Variants in ZNF75D observed in about 807,000 individuals in gnomAD.
The protein encoded by ZNF75D is zinc finger protein 75D.
A neutral mutation model predicts 33.3 loss-of-function variants in ZNF75D; 33 were observed. That is an observed-to-expected ratio of 0.99 (90% CI 0.75 to 1.32). The LOEUF (loss-of-function observed/expected upper bound fraction) is 1.32, where lower values mean the gene tolerates loss of function less well. Ranked by LOEUF, ZNF75D falls within the 40% of genes most tolerant of loss-of-function variation. The probability of loss-of-function intolerance (pLI) is 0.00; values close to 1 mark genes in which losing one functional copy is unlikely to be tolerated. For missense variants in ZNF75D, 338 were observed against 367.5 expected, an observed-to-expected ratio of 0.92 and a Z score of 0.66; for synonymous variants, 113 against 130.6, an observed-to-expected ratio of 0.87 and a Z score of 0.92.
chrX:135,323,569 G>C (rs1925119632), intron 1 of ZNF75D, among the ~76,000 whole-genome samples: 1 of 111,697 alleles, frequency 9.0e-6, no homozygotes, highest in South Asian at 3.8e-4. Context: ...ACAGAATGGG[G>C]CCAATGCCTG....
intron 6 of ZNF75D, among the ~76,000 whole-genome samples, 187 bp from the exon 7 acceptor site, chrX:135,288,033 C>A (rs1487573149): frequency 9.0e-6 from 1 of 111,099 alleles, no homozygotes; most frequent in African/African-American, 3.3e-5. Context: ...AAAACAAACC[C>A]ATTAAGTGAT....
chrX:135,285,112 G>A (rs1226074283), downstream of ZNF75D, among the ~76,000 whole-genome samples: 3 of 111,549 alleles, frequency 2.7e-5, no homozygotes, highest in Non-Finnish European at 5.7e-5. Context: ...TTGGGAATAT[G>A]AGATCCTTTC....
At chrX:135,272,433 C>T (rs1556417091) in intron 1 of ZNF75D, among the ~76,000 whole-genome samples, 1 of 108,406 alleles carries the variant, frequency 9.2e-6, no homozygotes, top group African/African-American at 3.4e-5. Flanking sequence ...TGTATGCAAC[C>T]ATGTTTTTAG....
At chrX:135,308,840 G>A (rs1468548892) in intron 1 of ZNF75D, among the ~76,000 whole-genome samples, 1 of 112,074 alleles carries the variant, frequency 8.9e-6, no homozygotes, top group Non-Finnish European at 1.9e-5. Context: ...ACAAGGGTTT[G>A]GAGTAAGATC....
intron 1 of ZNF75D, among the ~76,000 whole-genome samples, chrX:135,278,752 G>A (rs782181267): frequency 8.9e-5 from 10 of 111,984 alleles, no homozygotes; most frequent in Non-Finnish European, 1.7e-4. Context: ...ATAATCATGT[G>A]GTTTTTGTCA....
At chrX:135,309,463 T>C in intron 1 of ZNF75D, 1 of 296,940 alleles carries the variant, frequency 3.4e-6, no homozygotes, top group East Asian at 4.7e-5. Flanking sequence ...ACTGAGGTTG[T>C]TTGGGGCTGC....
chrX:135,276,226 T>C (rs181439935), intron 1 of ZNF75D, among the ~76,000 whole-genome samples: 1 of 112,005 alleles, frequency 8.9e-6, no homozygotes, highest in East Asian at 2.8e-4. Flanking sequence ...AAACCTATAA[T>C]AATTAAAAAC....
chrX:135,260,673 T>G (rs1479325731), intron 1 of ZNF75D, among the ~76,000 whole-genome samples: 1 of 112,192 alleles, frequency 8.9e-6, no homozygotes, highest in Non-Finnish European at 1.9e-5. Flanking sequence ...TTGTGTATAT[T>G]TGATTCTTCT....
intron 1 of ZNF75D, among the ~76,000 whole-genome samples, chrX:135,257,229 A>C (rs2083807444): frequency 8.9e-6 from 1 of 112,385 alleles, no homozygotes; most frequent in African/African-American, 3.2e-5. Context: ...GGGGTCCTCG[A>C]GTCCAGGCCT....
chrX:135,315,821 T>C (rs1556431298), intron 1 of ZNF75D, among the ~76,000 whole-genome samples: 1 of 111,799 alleles, frequency 8.9e-6, no homozygotes, highest in African/African-American at 3.3e-5. Flanking sequence ...TACATGTCTA[T>C]ATGTAAAGTG....
intron 1 of ZNF75D, among the ~76,000 whole-genome samples, chrX:135,325,200 C>T (rs2084545871): frequency 9.3e-6 from 1 of 107,423 alleles, no homozygotes; most frequent in Admixed American, 9.5e-5. Context: ...GCACTCAGTA[C>T]AGTGGCTGGC....
chrX:135,302,587 A>G (rs1459899482), intron 1 of ZNF75D, among the ~76,000 whole-genome samples: 1 of 112,747 alleles, frequency 8.9e-6, no homozygotes, highest in Non-Finnish European at 1.9e-5. Context: ...ATAATTTGGT[A>G]TCTTATTACC....
intron 1 of ZNF75D, among the ~76,000 whole-genome samples, chrX:135,271,879 G>T (rs1004144667): frequency 9.0e-6 from 1 of 111,721 alleles, no homozygotes; most frequent in Non-Finnish European, 1.9e-5. Context: ...TACTCACATG[G>T]TGATGGCATG....
chrX:135,338,704 T>C (rs1025779512), intron 1 of ZNF75D, among the ~76,000 whole-genome samples: 2 of 112,040 alleles, frequency 1.8e-5, no homozygotes, highest in Middle Eastern at 4.2e-3. Flanking sequence ...CTACCAAACC[T>C]TGCCACTTTA....
chrX:135,333,044 A>C (rs781973429), intron 1 of ZNF75D, among the ~76,000 whole-genome samples: 4 of 111,502 alleles, frequency 3.6e-5, no homozygotes, highest in Non-Finnish European at 7.5e-5. Context: ...TTGCTCCAGA[A>C]ATCAGAATCA....
intron 1 of ZNF75D, among the ~76,000 whole-genome samples, chrX:135,318,947 T>C (rs2084461159): frequency 8.9e-6 from 1 of 112,261 alleles, no homozygotes; most frequent in Non-Finnish European, 1.9e-5. Context: ...TATATGGTCA[T>C]GAAAAATGGC....
rs1556419707 is a variant in ZNF75D, at chrX:135,287,187, G to A, written c.1483C>T (p.His495Tyr). ...NFSRRSSLLR[H>Y]QKLHRRREAC... ...TCCCTTCTTCTGTGGAGTTTCTGGT[G>A]TCTAAGAAGGCTCGATCGCCTACTA... Residue 495 changes from histidine (H) to tyrosine (Y), a missense_variant, in exon 7 of 7, where the codon CAC (histidine) becomes TAC (tyrosine). Physicochemically the swap from His to Tyr is moderately conservative, Grantham distance 83 (BLOSUM62 2). This residue lies in a region of ZNF75D where 79 missense variants were observed against 80.1 expected (regional missense o/e 0.99). Coordinates refer to ENST00000370766, the MANE Select transcript of ZNF75D (RefSeq NM_007131.5). 8.3e-7 allele frequency: 1 copy of A among 1,210,768 alleles called. No homozygotes were observed. The highest frequency in any genetic ancestry group is 2.2e-5 in the Admixed American group (1 of 45,778).
At chrX:135,311,223 G>A (rs1435805984) in intron 1 of ZNF75D, among the ~76,000 whole-genome samples, 1 of 112,013 alleles carries the variant, frequency 8.9e-6, no homozygotes, top group Non-Finnish European at 1.9e-5. Flanking sequence ...TTCAGGCCTT[G>A]TAACACATGG....
At chrX:135,276,380 T>C (rs1395415795) in intron 1 of ZNF75D, among the ~76,000 whole-genome samples, 1 of 112,276 alleles carries the variant, frequency 8.9e-6, no homozygotes, top group Non-Finnish European at 1.9e-5. Flanking sequence ...ATCATGGCTA[T>C]TGAGAATAGT....
Sources: gnomAD v4.1 joint callset for allele counts (sites outside exome capture counted in the v4.1 genomes callset) on GRCh38, gnomAD v4.1.1 for gene constraint, gnomAD v4.1.1 regional missense constraint, MANE v1.5 for transcripts, NCBI Gene and HGNC (gene_info 2026-07-23, HGNC 2026-07-21) for gene names.